SCAPER: variants seen among roughly 807,000 people sequenced by gnomAD.
SCAPER encodes S phase cyclin A-associated protein in the endoplasmic reticulum.
A neutral mutation model predicts 182.2 loss-of-function variants in SCAPER; 98 were observed. That is an observed-to-expected ratio of 0.54 (90% CI 0.46 to 0.64). The LOEUF (loss-of-function observed/expected upper bound fraction) is 0.64. SCAPER is among the 30% of genes least tolerant of loss of function. The pLI, the probability that SCAPER is intolerant of heterozygous loss-of-function variation, is 0.00. For synonymous variants in SCAPER, 605 were observed against 564.6 expected (o/e 1.07, Z -1.01); for missense variants, 1,432 against 1,690.0 (o/e 0.85, Z 2.68).
At chr15:76,588,661 T>C (rs1012632370) in intron 22 of SCAPER, among the ~76,000 whole-genome samples, 2 of 152,210 alleles carry the variant, frequency 1.3e-5, no homozygotes, top group African/African-American at 2.4e-5. Flanking sequence ...TATAACTTGT[T>C]TGTCTTTAAA....
intron 23 of SCAPER, among the ~76,000 whole-genome samples, chr15:76,572,245 T>C (rs1211440230): frequency 1.3e-5 from 2 of 152,230 alleles, no homozygotes; most frequent in Non-Finnish European, 2.9e-5. Flanking sequence ...TGAGATAAGA[T>C]ACGTGTAGCA....
chr15:76,875,667 G>A (rs1274746469), intron 2 of SCAPER, among the ~76,000 whole-genome samples: 1 of 152,182 alleles, frequency 6.6e-6, no homozygotes, highest in Non-Finnish European at 1.5e-5. Flanking sequence ...TGCCCTGAGT[G>A]TTACAGTTCT....
intron 23 of SCAPER, among the ~76,000 whole-genome samples, chr15:76,572,807 T>A (rs940821852): frequency 3.3e-5 from 5 of 151,998 alleles, no homozygotes; most frequent in Admixed American, 6.6e-5. Flanking sequence ...GACGAAAGCC[T>A]GAGACTCCCA....
intron 4 of SCAPER, among the ~76,000 whole-genome samples, chr15:76,845,664 CA>C: frequency 6.6e-6 from 1 of 151,782 alleles, no homozygotes; most frequent in East Asian, 1.9e-4. Context: ...AACATCTCTA[CA>C]ATGAATACAC....
chr15:76,416,269 G>A (rs1483820363), intron 26 of SCAPER, among the ~76,000 whole-genome samples: 3 of 150,984 alleles, frequency 2.0e-5, no homozygotes, highest in Non-Finnish European at 1.5e-5. Context: ...GAGGTCAGGA[G>A]TTCAAGACCA....
chr15:76,546,626 T>TTC lies in SCAPER; in HGVS notation c.2838+27530_2838+27531dup, dbSNP rs145432300. On this transcript the variant is annotated intron_variant, in intron 23 of 31. Transcript: ENST00000563290. ...ATTTTTCTTTTTGATGCTTTTATAC[T>TTC]TCTCTCTCTCTCTCTCCCTCTCTCT... 2.6e-3 allele frequency among the ~76,000 whole-genome samples: 397 copies of TTC among 151,206 alleles called. 1 individual carries two copies. Among genetic ancestry groups the TTC allele is most frequent in the African/African-American group, 9.0e-3 (373 of 41,266 alleles).
At chr15:76,450,109 T>G (rs557951130) in intron 25 of SCAPER, among the ~76,000 whole-genome samples, 2 of 152,364 alleles carry the variant, frequency 1.3e-5, no homozygotes, top group South Asian at 4.1e-4. Context: ...CTGAATCTGC[T>G]AACCCCTGTG....
intron 8 of SCAPER, among the ~76,000 whole-genome samples, chr15:76,789,287 G>A (rs1010626855): frequency 1.3e-5 from 2 of 151,858 alleles, no homozygotes; most frequent in South Asian, 4.1e-4. Context: ...CACATACCAA[G>A]AGGAAAAAAA....
intron 25 of SCAPER, among the ~76,000 whole-genome samples, chr15:76,458,182 A>G (rs935538076): frequency 6.6e-6 from 1 of 151,908 alleles, no homozygotes; most frequent in Non-Finnish European, 1.5e-5. Context: ...CTCTCTTTAT[A>G]TATTCTCTCA....
At chr15:76,715,825 T>C (rs1040835832) in intron 17 of SCAPER, among the ~76,000 whole-genome samples, 2 of 152,090 alleles carry the variant, frequency 1.3e-5, no homozygotes, top group Admixed American at 6.6e-5. Context: ...CCCAGCCCCC[T>C]GGGCCCAAGC....
intron 26 of SCAPER, among the ~76,000 whole-genome samples, chr15:76,421,947 T>C (rs978152785): frequency 6.6e-6 from 1 of 152,206 alleles, no homozygotes; most frequent in Non-Finnish European, 1.5e-5. Context: ...TGTGTTATTA[T>C]TTCTGAGGGC....
At chr15:76,748,632 G>A (rs1172333666) in intron 15 of SCAPER, among the ~76,000 whole-genome samples, 3 of 150,156 alleles carry the variant, frequency 2.0e-5, no homozygotes, top group African/African-American at 7.4e-5. Context: ...AACATACAAG[G>A]AACTCGTATA....
intron 5 of SCAPER, among the ~76,000 whole-genome samples, chr15:76,808,006 C>A (rs1215070039): frequency 6.6e-6 from 1 of 152,090 alleles, no homozygotes; most frequent in Non-Finnish European, 1.5e-5. Flanking sequence ...ATTTTAGATA[C>A]CTACATCACC....
intron 26 of SCAPER, among the ~76,000 whole-genome samples, chr15:76,431,072 A>C (rs1281502392): frequency 6.6e-6 from 1 of 152,128 alleles, no homozygotes; most frequent in East Asian, 1.9e-4. Context: ...GCAACACATG[A>C]CTTACTCCTC....
In SCAPER at chr15:76,476,595, ATTTTTTTTTTT is replaced by A. The variant is rs5813839; in HGVS notation, c.2955-5271_2955-5261del. Among the ~76,000 whole-genome samples, 31 of 73,534 alleles carry A rather than the reference ATTTTTTTTTTT, an allele frequency of 4.2e-4. No individual in the cohort carries two copies. In the East Asian group the frequency reaches 4.4e-3, roughly 10 times the overall value. 48.2% of individuals were successfully genotyped at this position (73,534 alleles called of 152,430 possible). On this transcript the variant is annotated intron_variant, in intron 24 of 31. Coordinates refer to ENST00000563290, the MANE Select transcript of SCAPER (RefSeq NM_020843.4). The stretch of plus-strand genomic sequence containing the variant: ...AGGTACACACCACAACACCCAGCTA[ATTTTTTTTTTT>A]TTTTTTTTTTTTTTTTTGTAGAGAC...
intron 24 of SCAPER, among the ~76,000 whole-genome samples, chr15:76,503,041 C>T (rs1288774715): frequency 2.7e-5 from 4 of 150,368 alleles, no homozygotes; most frequent in African/African-American, 4.9e-5. Context: ...GTGTCATGCA[C>T]GTTGAAGCCT....
At position 76,416,317 on chromosome 15, in the gene SCAPER, G is replaced by GAAA. The variant is rs61396507; in HGVS notation, c.3312-11641_3312-11639dup. ...TGGTGAAACCCTGCCTCTACTAAAA[G>GAAA]AAAAAAAAAAAAAGTACAAAAATTA... On this transcript the variant is annotated intron_variant, in intron 26 of 31. Coordinates refer to ENST00000563290, the MANE Select transcript of SCAPER (RefSeq NM_020843.4). Among the ~76,000 whole-genome samples, 123 of 144,244 alleles carry GAAA rather than the reference G, an allele frequency of 8.5e-4. 1 individual carries two copies. The highest frequency in any genetic ancestry group is 7.3e-3 in the Middle Eastern group (2 of 274). 94.6% of individuals were successfully genotyped at this position (144,244 alleles called of 152,430 possible).
At chr15:76,545,281 A>AT (rs1196384200) in intron 23 of SCAPER, among the ~76,000 whole-genome samples, 2 of 152,154 alleles carry the variant, frequency 1.3e-5, no homozygotes, top group African/African-American at 2.4e-5. Context: ...TCAGCACTTC[A>AT]TAACTTCCTT....
At chr15:76,862,825 C>A (rs534516873) in intron 2 of SCAPER, among the ~76,000 whole-genome samples, 8 of 152,144 alleles carry the variant, frequency 5.3e-5, no homozygotes, top group Admixed American at 2.0e-4. Context: ...TCTGCACCAT[C>A]CCTTACATAT....
Sources: gnomAD v4.1 joint callset for allele counts (sites outside exome capture counted in the v4.1 genomes callset) on GRCh38, gnomAD v4.1.1 for gene constraint, MANE v1.5 for transcripts, NCBI Gene and HGNC (gene_info 2026-07-23, HGNC 2026-07-21) for gene names.